The following SYTL5 variants were observed in gnomAD, a reference collection of about 807,000 sequenced individuals.
The protein encoded by SYTL5 is synaptotagmin-like protein 5.
In SYTL5, 34 loss-of-function variants were observed where a neutral mutation model predicts 55.9. The ratio of observed to expected loss-of-function variants is 0.61; its 90% CI spans 0.46 to 0.81. The LOEUF (loss-of-function observed/expected upper bound fraction) is 0.81, where lower values mean the gene tolerates loss of function less well. Among genes scored for constraint, SYTL5 ranks in the 30% least tolerant of loss-of-function variants. The pLI, the probability that SYTL5 is intolerant of heterozygous loss-of-function variation, is 0.00. For synonymous variants in SYTL5, 221 were observed against 188.7 expected, an observed-to-expected ratio of 1.17 and a Z score of -1.40; for missense variants, 637 against 546.7, an observed-to-expected ratio of 1.17 and a Z score of -1.65.
the SYTL5 span, among the ~76,000 whole-genome samples, chrX:37,890,749 T>C: frequency 1.8e-5 from 2 of 112,448 alleles, no homozygotes; most frequent in African/African-American, 6.5e-5. Flanking sequence ...GAAATAGACA[T>C]TTCTCTGAAA....
At chrX:38,123,100 G>T (rs990733128) in intron 15 of SYTL5, among the ~76,000 whole-genome samples, 38 of 111,585 alleles carry the variant, frequency 3.4e-4, no homozygotes, top group African/African-American at 1.2e-3. Flanking sequence ...ACAAGGAAAT[G>T]GGTTGAGCTC....
the SYTL5 span, among the ~76,000 whole-genome samples, chrX:37,968,059 CT>C: frequency 9.1e-6 from 1 of 110,112 alleles, no homozygotes; most frequent in African/African-American, 3.3e-5. Context: ...GCATTCTTCT[CT>C]TGACCTCCTT....
At chrX:38,079,395 C>G (rs969545399) in intron 6 of SYTL5, among the ~76,000 whole-genome samples, 1 of 111,922 alleles carries the variant, frequency 8.9e-6, no homozygotes, top group Non-Finnish European at 1.9e-5. Flanking sequence ...GCCCTAGCAG[C>G]CTCTCAGAAG....
At chrX:37,968,812 T>G in the SYTL5 span, among the ~76,000 whole-genome samples, 1 of 112,082 alleles carries the variant, frequency 8.9e-6, no homozygotes, top group Non-Finnish European at 1.9e-5. Flanking sequence ...TGGTCCTGTA[T>G]TAATCCAAAC....
chrX:38,065,437 G>A (rs1569174254), intron 3 of SYTL5, among the ~76,000 whole-genome samples: 1 of 111,476 alleles, frequency 9.0e-6, no homozygotes, highest in East Asian at 2.8e-4. Context: ...ATCCTCATTC[G>A]TGAACAGTGA....
chrX:38,029,077 C>A (rs1260149716), intron 1 of SYTL5, among the ~76,000 whole-genome samples: 2 of 112,150 alleles, frequency 1.8e-5, no homozygotes, highest in African/African-American at 6.5e-5. Flanking sequence ...TTTTATAACT[C>A]TTTACAAATT....
At chrX:37,956,967 T>C in the SYTL5 span, among the ~76,000 whole-genome samples, 1 of 111,960 alleles carries the variant, frequency 8.9e-6, no homozygotes, top group South Asian at 3.8e-4. Flanking sequence ...CTTTCCTTTT[T>C]ATCTTAGCCA....
At chrX:37,979,593 C>G in the SYTL5 span, among the ~76,000 whole-genome samples, 1,432 of 100,707 alleles carry the variant, frequency 0.014, 15 homozygotes, top group South Asian at 0.051. Flanking sequence ...GTGATAATAA[C>G]CACTCTCCAC....
intron 1 of SYTL5, among the ~76,000 whole-genome samples, chrX:38,020,753 C>T (rs769219233): frequency 3.6e-5 from 4 of 109,865 alleles, no homozygotes; most frequent in African/African-American, 9.9e-5. Context: ...AGAATAGAAA[C>T]GATGGAGGGG....
chrX:37,976,799 C>CAAAAAAAAA, the SYTL5 span, among the ~76,000 whole-genome samples: 1 of 47,158 alleles, frequency 2.1e-5, no homozygotes, highest in Non-Finnish European at 5.2e-5. Flanking sequence ...ACTAAAAATA[C>CAAAAAAAAA]AAAAAAAAAA....
chrX:37,918,153 T>C, the SYTL5 span, among the ~76,000 whole-genome samples: 1 of 112,053 alleles, frequency 8.9e-6, no homozygotes, highest in Admixed American at 9.5e-5. Context: ...TTGTAGTTTC[T>C]CTCACTAAGG....
At chrX:37,933,058 A>C in the SYTL5 span, among the ~76,000 whole-genome samples, 9 of 111,371 alleles carry the variant, frequency 8.1e-5, no homozygotes, top group Non-Finnish European at 1.3e-4. Flanking sequence ...AGTTGGTCAA[A>C]GCACTCACAA....
the SYTL5 span, among the ~76,000 whole-genome samples, chrX:37,958,373 T>A: frequency 1.8e-5 from 2 of 109,786 alleles, no homozygotes; most frequent in Non-Finnish European, 3.8e-5. Flanking sequence ...GAGGGAAGAG[T>A]GTGTCAGCTC....
At chrX:38,093,422 G>A (rs954853498) in intron 7 of SYTL5, among the ~76,000 whole-genome samples, 5 of 111,430 alleles carry the variant, frequency 4.5e-5, no homozygotes, top group Non-Finnish European at 9.4e-5. Context: ...TAATTTGAAT[G>A]GACACTTAAC....
intron 1 of SYTL5, 141 bp from the exon 2 acceptor site, chrX:38,033,393 A>G (rs1227538078): frequency 8.8e-6 from 1 of 113,078 alleles, no homozygotes; most frequent in African/African-American, 3.2e-5. Context: ...AAGATTTAAT[A>G]AATGCATGTT....
chrX:37,996,209 G>A, the SYTL5 span, among the ~76,000 whole-genome samples: 1 of 111,838 alleles, frequency 8.9e-6, no homozygotes, highest in African/African-American at 3.3e-5. Flanking sequence ...CAGAGGAATC[G>A]TGGGGGGCCA....
chrX:38,077,248 C>T (rs1936415281), intron 6 of SYTL5, among the ~76,000 whole-genome samples: 1 of 111,180 alleles, frequency 9.0e-6, no homozygotes, highest in Admixed American at 9.6e-5. Flanking sequence ...AAGGATAGCC[C>T]AGAGCATAGT....
At chrX:37,951,166 T>C in the SYTL5 span, among the ~76,000 whole-genome samples, 6 of 111,437 alleles carry the variant, frequency 5.4e-5, no homozygotes, top group Non-Finnish European at 9.5e-5. Flanking sequence ...ATTAAATTCT[T>C]ACTAAATATC....
Position 38,103,161 on chromosome X carries a change from G to T in SYTL5, c.1155+727G>T, listed in dbSNP as rs1937124310. The T allele has an allele frequency of 2.2e-5, 17 of 772,215 alleles. No individual in the cohort carries two copies. In the South Asian group the frequency reaches 4.5e-4, roughly 21 times the overall value. The allele number at this position is 772,215 out of a possible 1,213,427, so 63.6% of individuals were successfully genotyped here. A position where few individuals can be genotyped will look rare whatever the true frequency, so the allele number is the denominator to read the frequency against. The stretch of plus-strand genomic sequence containing the variant: ...ACAAATTTCATGGTCTGGGAACTAT[G>T]ATTAAGCAATTTGTCCCACATTTAT... On this transcript the variant is annotated intron_variant, in intron 10 of 16. Transcript: ENST00000297875.
Sources: allele counts gnomAD v4.1 joint callset (sites outside exome capture counted in the v4.1 genomes callset), GRCh38; gene constraint gnomAD v4.1.1; transcripts MANE v1.5; gene names NCBI Gene and HGNC (gene_info 2026-07-23, HGNC 2026-07-21).